ZNF597: variants seen among roughly 807,000 people sequenced by gnomAD.
ZNF597 encodes zinc finger protein 597.
In ZNF597, 5 loss-of-function variants were observed where a neutral mutation model predicts 7.3. The observed-to-expected ratio is 0.68, with a 90% confidence interval of 0.36 to 1.44. The LOEUF is 1.44. ZNF597 is among the 40% of genes most tolerant of loss of function. The pLI is 0.04. For missense variants in ZNF597, 585 were observed against 517.9 expected, an observed-to-expected ratio of 1.13 and a Z score of -1.26; for synonymous variants, 209 against 185.4, an observed-to-expected ratio of 1.13 and a Z score of -1.04.
At chr16:3,442,560 A>G (rs1295150236) in intron 2 of ZNF597, among the ~76,000 whole-genome samples, 1 of 152,020 alleles carries the variant, frequency 6.6e-6, no homozygotes, top group Admixed American at 6.6e-5. Flanking sequence ...CTGTAGTCCC[A>G]TCTACTCGGG....
At chr16:3,442,091 C>A (rs190341322) in intron 2 of ZNF597, among the ~76,000 whole-genome samples, 1 of 152,246 alleles carries the variant, frequency 6.6e-6, no homozygotes, top group East Asian at 1.9e-4. Context: ...TATTTCCTCT[C>A]GTCCCCATGA....
rs1244302127 is a variant in ZNF597 at position 3,434,844 on chromosome 16, A to G, written c.*1580T>C. On this transcript the variant is annotated 3_prime_UTR_variant, in exon 4 of 4. Coordinates refer to ENST00000301744, the MANE Select transcript of ZNF597 (RefSeq NM_152457.3). ...CAAATATTGTACTTTTATACTGTCT[A>G]TTTAAATAGAATGAGAGCATTCTTC... 3 of 152,184 alleles carry G rather than the reference A, an allele frequency of 2.0e-5. No individual in the cohort carries two copies. Among genetic ancestry groups the G allele is most frequent in the Non-Finnish European group, 4.4e-5 (3 of 68,036 alleles). The allele number at this position is 152,184 out of a possible 1,614,324, so 9.4% of individuals were successfully genotyped here.
chr16:3,439,815 T>C (rs1167924789), intron 3 of ZNF597, among the ~76,000 whole-genome samples: 2 of 152,072 alleles, frequency 1.3e-5, no homozygotes, highest in Non-Finnish European at 1.5e-5. Flanking sequence ...AACCCATAAC[T>C]AGAAGACAAA....
Position 3,436,602 on chromosome 16 carries a change from T to C in ZNF597, c.1097A>G (p.Glu366Gly), listed in dbSNP as rs2034302973. ...GCATGTTTTGCACTTATGGGGCCTT[T>C]CCTCTGTATGAATGTTCTGATGGGA... Reference protein sequence around the residue: ...LISHQNIHTEERPHKCKTCEE... With the variant: ...LISHQNIHTEGRPHKCKTCEE... Residue 366 changes from glutamate to glycine, a missense_variant, in exon 4 of 4, where the codon GAA becomes GGA. Coordinates refer to ENST00000301744, the MANE Select transcript of ZNF597 (RefSeq NM_152457.3). The C allele has an allele frequency of 1.2e-6, 2 of 1,606,442 alleles. No homozygotes were observed. The highest frequency in any genetic ancestry group is 1.7e-6 in the Non-Finnish European group (2 of 1,175,884).
rs750003878 is a variant in ZNF597, at chr16:3,443,202, C to G, written c.-49G>C. The G allele has an allele frequency of 6.3e-7, 1 of 1,591,092 alleles. No individual in the cohort carries two copies. The highest frequency in any genetic ancestry group is 8.6e-7 in the Non-Finnish European group (1 of 1,165,884). ...TCAAGACGCCACAGGGACTTCGTGACAAAGCTGCGGGGGGAGAGAACAGTT... is the reference window on the plus strand; with the variant it reads ...TCAAGACGCCACAGGGACTTCGTGAGAAAGCTGCGGGGGGAGAGAACAGTT... On this transcript the variant is annotated 5_prime_UTR_variant, in exon 2 of 4. Transcript: ENST00000301744.
At chr16:3,437,949 T>C (rs538618763) in intron 3 of ZNF597, among the ~76,000 whole-genome samples, 11 of 152,034 alleles carry the variant, frequency 7.2e-5, no homozygotes, top group Non-Finnish European at 1.5e-4. Flanking sequence ...AAGAGAGGGG[T>C]TGGGCAGTGT....
Sources: gnomAD v4.1 joint callset for allele counts (sites outside exome capture counted in the v4.1 genomes callset) on GRCh38, gnomAD v4.1.1 for gene constraint, MANE v1.5 for transcripts, NCBI Gene and HGNC (gene_info 2026-07-23, HGNC 2026-07-21) for gene names.